SORCS2: variants seen among roughly 807,000 people sequenced by gnomAD.
SORCS2 encodes sortilin related VPS10 domain containing receptor 2.
Under a neutral mutation model 141.6 loss-of-function variants are expected in SORCS2, and 100 were observed. That is an observed-to-expected ratio of 0.71 (90% CI 0.60 to 0.83). SORCS2 has a LOEUF of 0.83. Ranked by LOEUF, SORCS2 falls within the 40% of genes least tolerant of loss-of-function variation. SORCS2 has a pLI of 0.00. For synonymous variants in SORCS2, 789 were observed against 676.9 expected, an observed-to-expected ratio of 1.17 and a Z score of -2.57; for missense variants, 1,646 against 1,560.2, an observed-to-expected ratio of 1.05 and a Z score of -0.93.
At chr4:7,582,044 C>G (rs547288101) in intron 3 of SORCS2, among the ~76,000 whole-genome samples, 1 of 152,252 alleles carries the variant, frequency 6.6e-6, no homozygotes, top group African/African-American at 2.4e-5. Flanking sequence ...TCAAAATAGT[C>G]TATGATTTAG....
chr4:7,204,021 T>A (rs2108867339), intron 1 of SORCS2, among the ~76,000 whole-genome samples: 1 of 152,318 alleles, frequency 6.6e-6, no homozygotes, highest in South Asian at 2.1e-4. Flanking sequence ...TGAGTAATAT[T>A]CCACTGTATG....
chr4:7,726,573 CAAAATAAAAT>C (rs879577263), intron 20 of SORCS2, among the ~76,000 whole-genome samples, 197 bp from the exon 21 acceptor site: 170 of 152,168 alleles, frequency 1.1e-3, no homozygotes, highest in African/African-American at 4.0e-3. Flanking sequence ...GACTCTGTCT[CAAAATAAAAT>C]AAAATAAAAT....
intron 2 of SORCS2, among the ~76,000 whole-genome samples, chr4:7,422,679 T>C (rs1416131263): frequency 6.6e-6 from 1 of 152,020 alleles, no homozygotes; most frequent in Admixed American, 6.5e-5. Context: ...CCACCTGCAA[T>C]TCCTCCAGGA....
rs145382496 is a variant in SORCS2, at chr4:7,420,280, T to C, written c.548+23925T>C. Among the ~76,000 whole-genome samples, 27 of 152,274 alleles carry C rather than the reference T, an allele frequency of 1.8e-4. No homozygotes were observed. In the East Asian group the frequency reaches 4.4e-3, roughly 25 times the overall value. On this transcript the variant is annotated intron_variant, in intron 2 of 26. Coordinates refer to ENST00000507866, the MANE Select transcript of SORCS2 (RefSeq NM_020777.3). ...CTTGAGTGTCAAGCAGGCTCTCCCA[T>C]CTCCCATCTAGGGCTCTCTGGGCCT...
At chr4:7,516,707 G>A (rs1733007044) in intron 2 of SORCS2, among the ~76,000 whole-genome samples, 1 of 152,140 alleles carries the variant, frequency 6.6e-6, no homozygotes, top group Non-Finnish European at 1.5e-5. Context: ...TTCCCAGAAG[G>A]AACTGGGCCA....
At chr4:7,735,808 TC>T (rs1712117604) in intron 25 of SORCS2, among the ~76,000 whole-genome samples, 1 of 152,274 alleles carries the variant, frequency 6.6e-6, no homozygotes, top group African/African-American at 2.4e-5. Context: ...AGGTCAGGAA[TC>T]CCACCTCCTT....
intron 11 of SORCS2, among the ~76,000 whole-genome samples, chr4:7,689,941 G>A (rs1724114363): frequency 6.6e-6 from 1 of 152,066 alleles, no homozygotes; most frequent in African/African-American, 2.4e-5. Flanking sequence ...GATGGATGGA[G>A]GATGGACAGA....
At position 7,234,389 on chromosome 4, in the gene SORCS2, T is replaced by G. The variant is rs148404977; in HGVS notation, c.480+41263T>G. ...CATTGCCATGCTATTGGTCTTTCATTACTTTTAGGAAGGAAGTATTACTTT... is the reference window on the plus strand; with the variant it reads ...CATTGCCATGCTATTGGTCTTTCATGACTTTTAGGAAGGAAGTATTACTTT... On this transcript the variant is annotated intron_variant, in intron 1 of 26. Transcript: ENST00000507866. Among the ~76,000 whole-genome samples, 491 of 152,348 alleles carry G rather than the reference T, an allele frequency of 3.2e-3. 2 individuals carry two copies. The highest frequency in any genetic ancestry group is 0.011 in the African/African-American group (473 of 41,584).
rs572752559 is a variant in SORCS2 at position 7,537,341 on chromosome 4, A to G, written c.648+5712A>G. The stretch of plus-strand genomic sequence containing the variant: ...CTCTGGGAAGAGTAGCAGCCATGAA[A>G]GAGGATGCCTGTGGGCAGATCCTGA... On this transcript the variant is annotated intron_variant, in intron 3 of 26. Transcript: ENST00000507866. Among the ~76,000 whole-genome samples the G allele has an allele frequency of 1.6e-4, 24 of 152,316 alleles. No individual in the cohort carries two copies. The East Asian group carries it at 4.6e-3, about 29-fold the overall frequency.
chr4:7,498,731 G>C (rs1731781876), intron 2 of SORCS2, among the ~76,000 whole-genome samples: 1 of 152,242 alleles, frequency 6.6e-6, no homozygotes, highest in Non-Finnish European at 1.5e-5. Context: ...GAGCAGAGGT[G>C]TCTACACCAC....
intron 2 of SORCS2, among the ~76,000 whole-genome samples, chr4:7,522,153 G>A (rs1733367572): frequency 6.6e-6 from 1 of 152,198 alleles, no homozygotes; most frequent in African/African-American, 2.4e-5. Context: ...GAGCTTGCAG[G>A]CGGGTGCTGC....
intron 2 of SORCS2, among the ~76,000 whole-genome samples, chr4:7,473,741 C>A (rs1017823576): frequency 6.7e-6 from 1 of 149,326 alleles, no homozygotes; most frequent in African/African-American, 2.4e-5. Context: ...TGTGACTTGG[C>A]AATGGGGAGG....
intron 2 of SORCS2, among the ~76,000 whole-genome samples, chr4:7,500,248 G>A (rs1731883164): frequency 6.6e-6 from 1 of 152,134 alleles, no homozygotes; most frequent in Admixed American, 6.5e-5. Flanking sequence ...GGGAGTGTGG[G>A]AGGTCACGCC....
chr4:7,418,100 C>A (rs561138865), intron 2 of SORCS2, among the ~76,000 whole-genome samples: 20 of 152,326 alleles, frequency 1.3e-4, no homozygotes, highest in Non-Finnish European at 2.5e-4. Flanking sequence ...CCTCCTCCTC[C>A]TCACCACACC....
rs565349991 is a variant in SORCS2 at position 7,305,261 on chromosome 4, G to A, written c.481-91027G>A. The stretch of plus-strand genomic sequence containing the variant: ...TTAGCCAGGATGGTCTCGATCTGCT[G>A]ACCTCGTGATCTGCCCGCCTCGGCC... On this transcript the variant is annotated intron_variant, in intron 1 of 26. Coordinates refer to ENST00000507866, the MANE Select transcript of SORCS2 (RefSeq NM_020777.3). 2.5e-3 allele frequency among the ~76,000 whole-genome samples: 387 copies of A among 152,138 alleles called. 2 individuals carry two copies. Among genetic ancestry groups the A allele is most frequent in the African/African-American group, 8.6e-3 (355 of 41,516 alleles).
intron 2 of SORCS2, among the ~76,000 whole-genome samples, chr4:7,408,472 G>A (rs1166787358): frequency 6.6e-6 from 1 of 151,828 alleles, no homozygotes; most frequent in Non-Finnish European, 1.5e-5. Flanking sequence ...GTTGCCGGAT[G>A]AATTGAAGCT....
At chr4:7,640,115 A>G (rs1485578766) in intron 4 of SORCS2, among the ~76,000 whole-genome samples, 3 of 150,368 alleles carry the variant, frequency 2.0e-5, no homozygotes, top group Non-Finnish European at 4.4e-5. Context: ...GTGTGTAAGA[A>G]GCTATGTTAG....
intron 3 of SORCS2, among the ~76,000 whole-genome samples, chr4:7,635,292 G>A (rs778757129): frequency 6.6e-6 from 1 of 152,144 alleles, no homozygotes; most frequent in Non-Finnish European, 1.5e-5. Context: ...GCTCTATCCT[G>A]ACCATCCGTG....
At chr4:7,683,690 G>A (rs935044459) in intron 10 of SORCS2, among the ~76,000 whole-genome samples, 2 of 152,228 alleles carry the variant, frequency 1.3e-5, no homozygotes, top group Non-Finnish European at 2.9e-5. Flanking sequence ...CTGCCATGGA[G>A]GGCAGTGTAC....
Sources: gnomAD v4.1 joint callset for allele counts (sites outside exome capture counted in the v4.1 genomes callset) on GRCh38, gnomAD v4.1.1 for gene constraint, MANE v1.5 for transcripts, NCBI Gene and HGNC (gene_info 2026-07-23, HGNC 2026-07-21) for gene names.